The following ZNF66 variants were observed in gnomAD, a reference collection of about 807,000 sequenced individuals.
ZNF66 encodes zinc finger protein 66, also known as putative zinc finger protein 66.
In ZNF66, 32 loss-of-function variants were observed where a neutral mutation model predicts 35.2. The observed-to-expected ratio is 0.91, with a 90% CI of 0.69 to 1.22. The LOEUF (loss-of-function observed/expected upper bound fraction) is 1.22, where lower values mean the gene tolerates loss of function less well. ZNF66 is among the 50% of genes most tolerant of loss of function. ZNF66 has a pLI of 0.00. For synonymous variants in ZNF66, 231 were observed against 181.3 expected, an observed-to-expected ratio of 1.27 and a Z score of -2.20; for missense variants, 666 against 543.1, an observed-to-expected ratio of 1.23 and a Z score of -2.25.
rs928928900 is a variant in ZNF66 at position 20,808,884 on chromosome 19, G to A, written c.*1562G>A. Among the ~76,000 whole-genome samples, 34 of 152,116 alleles carry A rather than the reference G, an allele frequency of 2.2e-4. No homozygotes were observed. Among genetic ancestry groups the A allele is most frequent in the African/African-American group, 8.0e-4 (33 of 41,490 alleles). ...GAGTTGAGAGAAGAAGGCTTCAGAC[G>A]ATCAAACTACTCCGAGCTACAGGAG... On this transcript the variant is annotated 3_prime_UTR_variant, in exon 4 of 4. Coordinates refer to ENST00000344519, the MANE Select transcript of ZNF66 (RefSeq NM_001355197.2).
Position 20,792,593 on chromosome 19 carries a change from T to C in ZNF66, c.85T>C (p.Tyr29His). 2 of 1,496,600 alleles carry C rather than the reference T, an allele frequency of 1.3e-6. No individual in the cohort carries two copies. The highest frequency in any genetic ancestry group is 1.4e-5 in the African/African-American group (1 of 72,202). The allele number at this position is 1,496,600 out of a possible 1,614,324, so 92.7% of individuals were successfully genotyped here. The change falls in exon 2 of 4, where the codon TAT becomes CAT. Residue 29 changes from tyrosine to histidine, a missense_variant. Physicochemically the swap from Tyr to His is moderately conservative, Grantham distance 83. Transcript: ENST00000344519. ...HCLDMAQRNLYRDVMLENYRN... is the reference protein window; with the variant it reads ...HCLDMAQRNLHRDVMLENYRN... ...CCTGGACATGGCACAGCGGAATTTA[T>C]ATAGGGATGTGATGTTAGAGAACTA...
At position 20,807,448 on chromosome 19, in the gene ZNF66, C is replaced by A; in HGVS notation, c.*126C>A. The A allele has an allele frequency of 3.7e-6, 2 of 542,402 alleles. No individual in the cohort carries two copies. The highest frequency in any genetic ancestry group is 6.5e-6 in the Non-Finnish European group (2 of 306,746). The allele number at this position is 542,402 out of a possible 1,614,324, so 33.6% of individuals were successfully genotyped here. On this transcript the variant is annotated 3_prime_UTR_variant, in exon 4 of 4. Coordinates refer to ENST00000344519, the MANE Select transcript of ZNF66 (RefSeq NM_001355197.2). Reference sequence around the variant, plus strand: ...ACTAAATATGAGAATTTATGGAACACAAACACTACAAATATAAAGAATGTG... The same window carrying A: ...ACTAAATATGAGAATTTATGGAACAAAAACACTACAAATATAAAGAATGTG...
chr19:20,784,356 T>C (rs1410991900), intron 1 of ZNF66, among the ~76,000 whole-genome samples: 1 of 152,202 alleles, frequency 6.6e-6, no homozygotes, highest in Non-Finnish European at 1.5e-5. Flanking sequence ...AGAGAAAATT[T>C]ACTACCAAAT....
chr19:20,776,612 C>G (rs1971197098), intron 1 of ZNF66, 162 bp downstream of exon 1: 1 of 1,058,664 alleles, frequency 9.4e-7, no homozygotes, highest in African/African-American at 1.6e-5. Flanking sequence ...CAGCCTGGCC[C>G]CCGGGCGTCC....
chr19:20,787,067 CTA>C (rs1250962881), intron 1 of ZNF66, among the ~76,000 whole-genome samples: 3 of 152,088 alleles, frequency 2.0e-5, no homozygotes, highest in Non-Finnish European at 4.4e-5. Flanking sequence ...GGCCTGGACA[CTA>C]TATTTTATAC....
At chr19:20,802,875 A>G (rs1204379172) in intron 3 of ZNF66, among the ~76,000 whole-genome samples, 2 of 152,182 alleles carry the variant, frequency 1.3e-5, no homozygotes, top group East Asian at 1.9e-4. Flanking sequence ...CACACATGCA[A>G]ATACATACAT....
At chr19:20,800,907 T>C (rs1455693365) in intron 3 of ZNF66, among the ~76,000 whole-genome samples, 3 of 152,200 alleles carry the variant, frequency 2.0e-5, no homozygotes. Context: ...TATTTATTAA[T>C]TGCAAATGGG....
At chr19:20,797,363 C>T (rs1296950296) in intron 3 of ZNF66, among the ~76,000 whole-genome samples, 1 of 139,028 alleles carries the variant, frequency 7.2e-6, no homozygotes, top group Non-Finnish European at 1.6e-5. Context: ...CCCGCCACCT[C>T]GCCCGGCTAA....
chr19:20,776,609 G>T (rs984201319), intron 1 of ZNF66, 159 bp downstream of exon 1: 11 of 1,077,406 alleles, frequency 1.0e-5, no homozygotes, highest in Non-Finnish European at 1.5e-5. Flanking sequence ...TGACAGCCTG[G>T]CCCCCGGGCG....
At chr19:20,779,714 G>C (rs569727237) in intron 1 of ZNF66, among the ~76,000 whole-genome samples, 1 of 150,636 alleles carries the variant, frequency 6.6e-6, no homozygotes, top group Non-Finnish European at 1.5e-5. Flanking sequence ...ATCACCTGAG[G>C]TTGGGAGTTT....
At chr19:20,793,082 AAAAG>A (rs917646133) in intron 2 of ZNF66, among the ~76,000 whole-genome samples, 6 of 151,618 alleles carry the variant, frequency 4.0e-5, no homozygotes, top group Non-Finnish European at 8.8e-5. Context: ...AGAAAAAAAA[AAAAG>A]AAAGAAAAAA....
chr19:20,776,462 G>C lies in ZNF66; in HGVS notation c.3+12G>C. The C allele has an allele frequency of 1.9e-6, 3 of 1,552,286 alleles. No homozygotes were observed. The highest frequency in any genetic ancestry group is 2.7e-6 in the Non-Finnish European group (3 of 1,125,832). On this transcript the variant is annotated intron_variant, in intron 1 of 3. Transcript: ENST00000344519. ...GAAGCCTAGAAATGGTGAGAGTGCC[G>C]GTCCAGCATCCCGAGAGAGGTGAAG...
intron 1 of ZNF66, among the ~76,000 whole-genome samples, chr19:20,777,111 GTC>G (rs1971202237): frequency 1.1e-5 from 1 of 91,830 alleles, no homozygotes; most frequent in Non-Finnish European, 2.0e-5. Context: ...CAAGACTCTT[GTC>G]TAAAAAAAAA....
At chr19:20,800,807 A>C (rs403107) in intron 3 of ZNF66, among the ~76,000 whole-genome samples, 14,167 of 152,010 alleles carry the variant, frequency 0.093, 672 homozygotes, top group Middle Eastern at 0.11. Context: ...TAAATTATGC[A>C]CTCTCAAGTA....
chr19:20,778,318 T>G (rs1180909031), intron 1 of ZNF66, among the ~76,000 whole-genome samples: 1 of 152,122 alleles, frequency 6.6e-6, no homozygotes, highest in African/African-American at 2.4e-5. Flanking sequence ...GCCAAAATGT[T>G]CTCAATCTTC....
rs1971534668 is a variant in ZNF66, at chr19:20,807,565, A to G, written c.*243A>G. 1.3e-5 allele frequency among the ~76,000 whole-genome samples: 2 copies of G among 150,934 alleles called. No homozygotes were observed. The highest frequency in any genetic ancestry group is 4.9e-5 in the African/African-American group (2 of 40,670). On this transcript the variant is annotated 3_prime_UTR_variant, in exon 4 of 4. Transcript: ENST00000344519. The stretch of plus-strand genomic sequence containing the variant: ...TGTGAAGAATGTGGCATAGCCTATA[A>G]CAATTTTCAATCAATTCTTTTTTTT...
At chr19:20,777,621 A>G (rs1971207723) in intron 1 of ZNF66, among the ~76,000 whole-genome samples, 1 of 124,184 alleles carries the variant, frequency 8.1e-6, no homozygotes, top group African/African-American at 2.7e-5. Flanking sequence ...TCCTCAATTA[A>G]TTATTATTAT....
At chr19:20,777,301 A>C (rs1282033222) in intron 1 of ZNF66, among the ~76,000 whole-genome samples, 1 of 152,002 alleles carries the variant, frequency 6.6e-6, no homozygotes, top group Non-Finnish European at 1.5e-5. Flanking sequence ...ATAATTTGTT[A>C]GGTTTAGTAA....
chr19:20,792,959 C>G (rs1018124455), intron 2 of ZNF66, among the ~76,000 whole-genome samples: 1 of 151,634 alleles, frequency 6.6e-6, no homozygotes, highest in Non-Finnish European at 1.5e-5. Context: ...TCCCAGGACT[C>G]AGGAGGGTGA....
Sources: gnomAD v4.1 joint callset for allele counts (sites outside exome capture counted in the v4.1 genomes callset) on GRCh38, gnomAD v4.1.1 for gene constraint, MANE v1.5 for transcripts, NCBI Gene and HGNC (gene_info 2026-07-23, HGNC 2026-07-21) for gene names.